EMCN: variants seen among roughly 807,000 people sequenced by gnomAD.
EMCN encodes the protein endomucin, also known as MUC-14.
Under a neutral mutation model 38.4 loss-of-function variants are expected in EMCN, and 37 were observed. The ratio of observed to expected loss-of-function variants is 0.96; its 90% confidence interval spans 0.74 to 1.27. The LOEUF is 1.27. Ranked by LOEUF, EMCN falls within the 50% of genes most tolerant of loss-of-function variation. The pLI, the probability that EMCN is intolerant of heterozygous loss-of-function variation, is 0.00. For missense variants in EMCN, 318 were observed against 302.8 expected, an observed-to-expected ratio of 1.05 and a Z score of -0.37; for synonymous variants, 95 against 100.8, an observed-to-expected ratio of 0.94 and a Z score of 0.35.
At chr4:100,442,911 G>A (rs1341852474) in intron 5 of EMCN, among the ~76,000 whole-genome samples, 1 of 152,122 alleles carries the variant, frequency 6.6e-6, no homozygotes, top group Admixed American at 6.5e-5. Flanking sequence ...GTGCAGTGGT[G>A]CAATCTTGGC....
rs1481946259 is a variant in EMCN at position 100,465,501 on chromosome 4, A to G, written c.298T>C (p.Ser100Pro). Residue 100 changes from serine (S) to proline (P), a missense_variant, in exon 4 of 12, where the codon TCC (serine) becomes CCC (proline). Physicochemically the swap from Ser to Pro is moderately conservative, Grantham distance 74. Coordinates refer to ENST00000296420, the MANE Select transcript of EMCN (RefSeq NM_016242.4). The stretch of plus-strand genomic sequence containing the variant: ...GTTACTGTTACGTTTGAAATGATGG[A>G]GTCATTCTTCCTGACATCAGTGGTT... Reference protein sequence around the residue: ...ATTTDVRKNDSIISNVTVTSV... With the variant: ...ATTTDVRKNDPIISNVTVTSV... 1 of 1,608,352 alleles carries G rather than the reference A, an allele frequency of 6.2e-7. No homozygotes were observed. Among genetic ancestry groups the G allele is most frequent in the Non-Finnish European group, 8.5e-7 (1 of 1,176,284 alleles).
intron 1 of EMCN, 80 bp from the exon 2 acceptor site, chr4:100,480,119 T>C: frequency 3.2e-6 from 4 of 1,244,710 alleles, no homozygotes; most frequent in South Asian, 1.4e-5. Flanking sequence ...ACAAGTGTAC[T>C]GGTCAGTAGA....
chr4:100,478,391 T>C (rs1238699888), intron 2 of EMCN, among the ~76,000 whole-genome samples: 2 of 152,220 alleles, frequency 1.3e-5, no homozygotes, highest in Non-Finnish European at 2.9e-5. Flanking sequence ...TATCAGATGA[T>C]ACTAAAGTAT....
At chr4:100,455,435 G>C (rs1044092542) in intron 4 of EMCN, among the ~76,000 whole-genome samples, 1 of 150,840 alleles carries the variant, frequency 6.6e-6, no homozygotes, top group Non-Finnish European at 1.5e-5. Flanking sequence ...TTCTGTTCCT[G>C]AATGTCTTTA....
intron 4 of EMCN, among the ~76,000 whole-genome samples, chr4:100,460,110 T>C (rs78071105): frequency 6.6e-6 from 1 of 152,336 alleles, no homozygotes; most frequent in East Asian, 1.9e-4. Context: ...TTTTTGATAA[T>C]GGCCATTCTA....
intron 10 of EMCN, among the ~76,000 whole-genome samples, chr4:100,410,587 G>T (rs910627394): frequency 6.6e-6 from 1 of 152,134 alleles, no homozygotes; most frequent in African/African-American, 2.4e-5. Flanking sequence ...AGTCCTGGGT[G>T]GGATAGGTCA....
intron 5 of EMCN, among the ~76,000 whole-genome samples, chr4:100,435,240 C>T (rs1727317227): frequency 6.6e-6 from 1 of 152,100 alleles, no homozygotes; most frequent in Non-Finnish European, 1.5e-5. Context: ...AGCATGCAAG[C>T]ATAGAGCCAA....
At chr4:100,404,009 A>G (rs1036310117) in intron 11 of EMCN, among the ~76,000 whole-genome samples, 3 of 151,804 alleles carry the variant, frequency 2.0e-5, no homozygotes, top group East Asian at 1.9e-4. Flanking sequence ...ATTTTCTCCC[A>G]TTTTGTAAGT....
chr4:100,486,741 C>A (rs1728952700), intron 1 of EMCN: 1 of 544,686 alleles, frequency 1.8e-6, no homozygotes, highest in Non-Finnish European at 2.3e-6. Context: ...AGGAAGACAG[C>A]ATTCCAGTGG....
intron 10 of EMCN, among the ~76,000 whole-genome samples, chr4:100,412,888 C>T (rs1726603948): frequency 7.5e-6 from 1 of 132,636 alleles, no homozygotes; most frequent in Non-Finnish European, 1.5e-5. Flanking sequence ...CATGACCTAA[C>T]TGAAAAAGAG....
chr4:100,440,027 T>C (rs1312884138), intron 5 of EMCN, among the ~76,000 whole-genome samples: 2 of 150,786 alleles, frequency 1.3e-5, no homozygotes, highest in South Asian at 2.1e-4. Flanking sequence ...TAGTAAGTCT[T>C]GTTTTGTGGC....
At chr4:100,513,854 C>G (rs1729688665) in intron 1 of EMCN, among the ~76,000 whole-genome samples, 1 of 152,082 alleles carries the variant, frequency 6.6e-6, no homozygotes, top group South Asian at 2.1e-4. Context: ...CAACTATGTC[C>G]TTATTATGTG....
chr4:100,415,162 G>T (rs1309111049), intron 10 of EMCN, among the ~76,000 whole-genome samples: 1 of 152,206 alleles, frequency 6.6e-6, no homozygotes, highest in East Asian at 1.9e-4. Flanking sequence ...CTCCCAAAGT[G>T]CTGGGATTAC....
intron 10 of EMCN, among the ~76,000 whole-genome samples, chr4:100,412,460 A>C (rs191549379): frequency 1.6e-3 from 248 of 152,258 alleles, no homozygotes; most frequent in African/African-American, 5.7e-3. Context: ...AGAGTCATAT[A>C]TTTCTAATTT....
intron 11 of EMCN, among the ~76,000 whole-genome samples, chr4:100,409,960 A>C (rs1726503481): frequency 6.6e-6 from 1 of 152,226 alleles, no homozygotes; most frequent in African/African-American, 2.4e-5. Flanking sequence ...AGCCTGTCTA[A>C]GTGCCACAGT....
intron 1 of EMCN, among the ~76,000 whole-genome samples, chr4:100,505,314 A>AG (rs1043744083): frequency 4.0e-4 from 61 of 152,194 alleles, no homozygotes; most frequent in African/African-American, 1.3e-3. Context: ...ACACACGGGG[A>AG]GAAAAACTCA....
In EMCN at chr4:100,517,987, G is replaced by A. The variant is rs1282097614; in HGVS notation, c.-73C>T. 1 of 1,440,322 alleles carries A rather than the reference G, an allele frequency of 6.9e-7. No individual in the cohort carries two copies. Among genetic ancestry groups the A allele is most frequent in the Admixed American group, 1.7e-5 (1 of 59,520 alleles). The allele number at this position is 1,440,322 out of a possible 1,614,324, so 89.2% of individuals were successfully genotyped here. A position where few individuals can be genotyped will look rare whatever the true frequency, so the allele number is the denominator to read the frequency against. On this transcript the variant is annotated 5_prime_UTR_variant, in exon 1 of 12. Transcript: ENST00000296420. ...GGACAATTCCCTCCCAGCCTGGCAG[G>A]GCCTTATTAGCAAATGGAAAAGGTG...
intron 4 of EMCN, among the ~76,000 whole-genome samples, chr4:100,452,872 C>T (rs1012078502): frequency 1.3e-5 from 2 of 151,990 alleles, no homozygotes; most frequent in Non-Finnish European, 2.9e-5. Flanking sequence ...GAAATAATGC[C>T]TCATATCTAC....
At chr4:100,405,176 T>C (rs182785895) in intron 11 of EMCN, among the ~76,000 whole-genome samples, 108 of 152,224 alleles carry the variant, frequency 7.1e-4, no homozygotes, top group African/African-American at 2.3e-3. Flanking sequence ...ATCGTTTAAC[T>C]TCTTCTCTTC....
Sources: allele counts gnomAD v4.1 joint callset (sites outside exome capture counted in the v4.1 genomes callset), GRCh38; gene constraint gnomAD v4.1.1; transcripts MANE v1.5; gene names NCBI Gene and HGNC (gene_info 2026-07-23, HGNC 2026-07-21).